The following SAMD12 variants were observed in gnomAD, a reference collection of about 807,000 sequenced individuals.
The protein encoded by SAMD12 is sterile alpha motif domain-containing protein 12.
A neutral mutation model predicts 15.0 loss-of-function variants in SAMD12; 9 were observed. That is an observed-to-expected ratio of 0.60 (90% CI 0.36 to 1.05). The LOEUF is 1.05. Among genes scored for constraint, SAMD12 ranks in the 50% least tolerant of loss-of-function variants. The probability of loss-of-function intolerance (pLI) is 0.01; values close to 1 mark genes in which losing one functional copy is unlikely to be tolerated. For missense variants in SAMD12, 230 were observed against 234.2 expected (o/e 0.98, Z 0.12); for synonymous variants, 86 against 90.1 (o/e 0.96, Z 0.25).
At chr8:118,548,423 A>ACACACACACC (rs1491292990) in intron 2 of SAMD12, among the ~76,000 whole-genome samples, 2 of 125,260 alleles carry the variant, frequency 1.6e-5, no homozygotes, top group East Asian at 2.1e-4. Flanking sequence ...ACACACACAC[A>ACACACACACC]CCCCATGTGA....
chr8:118,132,391 G>A, the SAMD12 span, among the ~76,000 whole-genome samples: 4 of 152,184 alleles, frequency 2.6e-5, no homozygotes, highest in African/African-American at 7.2e-5. Flanking sequence ...ACCCCAGAGT[G>A]TTCTTTCAAT....
chr8:118,374,850 A>G (rs1420413552), downstream of SAMD12, among the ~76,000 whole-genome samples: 1 of 151,726 alleles, frequency 6.6e-6, no homozygotes, highest in African/African-American at 2.4e-5. Context: ...GTGTTGAGTT[A>G]TAGACGTTTC....
intron 2 of SAMD12, among the ~76,000 whole-genome samples, chr8:118,562,174 T>C (rs1241006428): frequency 6.6e-6 from 1 of 152,190 alleles, no homozygotes; most frequent in African/African-American, 2.4e-5. Context: ...AGATGAGATA[T>C]AACCTTTCCT....
intron 1 of SAMD12, among the ~76,000 whole-genome samples, chr8:118,605,596 T>C (rs1827964040): frequency 6.6e-6 from 1 of 152,056 alleles, no homozygotes; most frequent in Non-Finnish European, 1.5e-5. Context: ...TTTAATCTTC[T>C]AGGCCTCAAT....
At chr8:118,505,007 G>T (rs551172285) in intron 2 of SAMD12, among the ~76,000 whole-genome samples, 1 of 152,308 alleles carries the variant, frequency 6.6e-6, no homozygotes, top group South Asian at 2.1e-4. Flanking sequence ...ATTGACTTTG[G>T]ACTTCTGGCC....
intron 2 of SAMD12, among the ~76,000 whole-genome samples, chr8:118,559,364 C>T (rs1826643330): frequency 6.6e-6 from 1 of 152,208 alleles, no homozygotes; most frequent in African/African-American, 2.4e-5. Context: ...AACTGTCCCA[C>T]CTCCAACCAC....
intron 2 of SAMD12, among the ~76,000 whole-genome samples, chr8:118,525,287 C>A (rs532130332): frequency 1.3e-5 from 2 of 152,158 alleles, no homozygotes; most frequent in African/African-American, 2.4e-5. Context: ...GTTAACCAGG[C>A]CTTCCCTGGG....
At chr8:118,410,668 T>G (rs1048084797) in intron 3 of SAMD12, among the ~76,000 whole-genome samples, 1 of 152,196 alleles carries the variant, frequency 6.6e-6, no homozygotes, top group Non-Finnish European at 1.5e-5. Flanking sequence ...CTGAGCCATA[T>G]AGCTAAGTGA....
At chr8:118,483,411 G>A (rs1470224830) in intron 2 of SAMD12, among the ~76,000 whole-genome samples, 2 of 152,128 alleles carry the variant, frequency 1.3e-5, no homozygotes, top group Non-Finnish European at 2.9e-5. Flanking sequence ...TACATTTATT[G>A]CCCTGCTTGT....
chr8:118,603,746 A>C (rs774186934), intron 1 of SAMD12, among the ~76,000 whole-genome samples: 3 of 152,216 alleles, frequency 2.0e-5, no homozygotes, highest in Non-Finnish European at 4.4e-5. Flanking sequence ...GCTATGGAGC[A>C]AGTCAAGAGA....
chr8:118,171,154 G>A, the SAMD12 span, among the ~76,000 whole-genome samples: 6,472 of 152,244 alleles, frequency 0.043, 437 homozygotes, highest in African/African-American at 0.15. Flanking sequence ...GATGGCTATC[G>A]TGAAAAGGTT....
In SAMD12 at chr8:118,425,154, G is replaced by A. The variant is rs1345122386; in HGVS notation, c.322+14678C>T. Among the ~76,000 whole-genome samples the A allele has an allele frequency of 2.0e-5, 3 of 152,068 alleles. No individual in the cohort carries two copies. In the East Asian group the frequency reaches 5.8e-4, roughly 29 times the overall value. On this transcript the variant is annotated intron_variant, in intron 3 of 3. Coordinates refer to ENST00000314727, the MANE Select transcript of SAMD12 (RefSeq NM_207506.3). ...AGGGTTTCACCGTGTTAGCCAGGAT[G>A]GTCTCAATTTCCTGACCTTGTGATC...
intron 4 of SAMD12, among the ~76,000 whole-genome samples, chr8:118,226,387 G>A (rs1047354762): frequency 6.6e-6 from 1 of 152,170 alleles, no homozygotes; most frequent in African/African-American, 2.4e-5. Flanking sequence ...ACATGGATAA[G>A]TAATTATGGT....
intron 4 of SAMD12, among the ~76,000 whole-genome samples, chr8:118,277,705 G>A (rs1813508569): frequency 1.3e-5 from 2 of 152,036 alleles, no homozygotes; most frequent in Non-Finnish European, 2.9e-5. Flanking sequence ...TTCATATACT[G>A]ACTTTATTTA....
intron 4 of SAMD12, among the ~76,000 whole-genome samples, chr8:118,239,297 T>C (rs1242899455): frequency 6.6e-6 from 1 of 152,144 alleles, no homozygotes; most frequent in Non-Finnish European, 1.5e-5. Flanking sequence ...TAGTAGTAAA[T>C]AGGACAGCTA....
intron 4 of SAMD12, among the ~76,000 whole-genome samples, chr8:118,281,294 G>A (rs760818013): frequency 3.3e-5 from 5 of 152,142 alleles, no homozygotes; most frequent in Non-Finnish European, 5.9e-5. Context: ...AGAACCCAGC[G>A]CTCTTTGAAA....
chr8:118,585,985 A>AC (rs1478904447), intron 1 of SAMD12, among the ~76,000 whole-genome samples: 1 of 152,102 alleles, frequency 6.6e-6, no homozygotes, highest in Non-Finnish European at 1.5e-5. Context: ...CTCCACCCAC[A>AC]CCACTCTCTG....
In SAMD12 at chr8:118,389,372, C is replaced by T. The variant is rs187827184; in HGVS notation, c.323-9672G>A. Among the ~76,000 whole-genome samples, 407 of 152,220 alleles carry T rather than the reference C, an allele frequency of 2.7e-3. 1 individual carries two copies. Among genetic ancestry groups the T allele is most frequent in the Non-Finnish European group, 4.9e-3 (332 of 68,014 alleles). Reference sequence around the variant, plus strand: ...TAACATAATTGGGTGAAGAGAACTGCCCTAAGGGATGACTAAGAAAAGGTA... The same window carrying T: ...TAACATAATTGGGTGAAGAGAACTGTCCTAAGGGATGACTAAGAAAAGGTA... On this transcript the variant is annotated intron_variant, in intron 3 of 3. Coordinates refer to ENST00000314727, the MANE Select transcript of SAMD12 (RefSeq NM_207506.3).
intron 1 of SAMD12, among the ~76,000 whole-genome samples, chr8:118,599,478 C>T (rs1187090874): frequency 1.3e-5 from 2 of 152,190 alleles, no homozygotes; most frequent in African/African-American, 2.4e-5. Context: ...TCACTGCTGG[C>T]CTGCCCAGGT....
Sources: allele counts gnomAD v4.1 joint callset (sites outside exome capture counted in the v4.1 genomes callset), GRCh38; gene constraint gnomAD v4.1.1; transcripts MANE v1.5; gene names NCBI Gene and HGNC (gene_info 2026-07-23, HGNC 2026-07-21).